MED12L: variants seen among roughly 807,000 people sequenced by gnomAD.
MED12L encodes the protein mediator complex subunit 12L.
A neutral mutation model predicts 281.3 loss-of-function variants in MED12L; 60 were observed. The ratio of observed to expected loss-of-function variants is 0.21; its 90% confidence interval spans 0.17 to 0.26. The LOEUF (loss-of-function observed/expected upper bound fraction) is 0.26, where lower values mean the gene tolerates loss of function less well. Ranked by LOEUF, MED12L falls within the 10% of genes least tolerant of loss-of-function variation. The probability of loss-of-function intolerance (pLI) is 1.00; values close to 1 mark genes in which losing one functional copy is unlikely to be tolerated. For missense variants in MED12L, 2,146 were observed against 2,680.9 expected (o/e 0.80, Z 4.41); for synonymous variants, 974 against 987.2 (o/e 0.99, Z 0.25).
chr3:151,357,409 A>G (rs1193796744), intron 20 of MED12L, 33 bp downstream of exon 20: 1 of 1,530,388 alleles, frequency 6.5e-7, no homozygotes, highest in Non-Finnish European at 8.8e-7. Context: ...TTGTTTTTCC[A>G]ATCTCAGAAT....
At chr3:151,296,503 G>A (rs1022675353) in intron 16 of MED12L, among the ~76,000 whole-genome samples, 2 of 152,216 alleles carry the variant, frequency 1.3e-5, no homozygotes, top group African/African-American at 4.8e-5. Context: ...CTCTGACAAA[G>A]GACTTTGGCT....
At chr3:151,425,148 G>T (rs968503153) in intron 43 of MED12L, among the ~76,000 whole-genome samples, 2 of 152,212 alleles carry the variant, frequency 1.3e-5, no homozygotes, top group African/African-American at 4.8e-5. Context: ...AAGGTGTCCA[G>T]ACCATCTGAG....
intron 16 of MED12L, among the ~76,000 whole-genome samples, chr3:151,266,802 A>G (rs1325589202): frequency 6.6e-6 from 1 of 152,170 alleles, no homozygotes; most frequent in African/African-American, 2.4e-5. Flanking sequence ...TCAGAGCAAA[A>G]AAGTGCTGTA....
At chr3:151,167,628 T>C (rs970575233) in intron 11 of MED12L, among the ~76,000 whole-genome samples, 1 of 152,190 alleles carries the variant, frequency 6.6e-6, no homozygotes, top group African/African-American at 2.4e-5. Context: ...ATTCAGAACG[T>C]TGAGAGCAAG....
chr3:151,176,092 G>A (rs1386602838), intron 11 of MED12L, among the ~76,000 whole-genome samples: 1 of 152,116 alleles, frequency 6.6e-6, no homozygotes, highest in Non-Finnish European at 1.5e-5. Context: ...GTGGACCCCT[G>A]TCCCACTCCC....
intron 38 of MED12L, among the ~76,000 whole-genome samples, chr3:151,390,741 A>G (rs916582721): frequency 6.6e-6 from 1 of 152,316 alleles, no homozygotes; most frequent in South Asian, 2.1e-4. Context: ...ATCTGTCAGC[A>G]TTGTTAGGAT....
chr3:151,389,957 T>C (rs1435496720), intron 37 of MED12L, 22 bp from the exon 38 acceptor site: 24 of 1,612,562 alleles, frequency 1.5e-5, no homozygotes, highest in African/African-American at 2.7e-5. Context: ...TACGTAACTT[T>C]TTAAAAAACT....
chr3:151,277,466 A>G (rs1221256436), intron 16 of MED12L, among the ~76,000 whole-genome samples: 1 of 152,068 alleles, frequency 6.6e-6, no homozygotes, highest in Non-Finnish European at 1.5e-5. Flanking sequence ...TTTTAGAAAG[A>G]TGAATATACA....
intron 39 of MED12L, among the ~76,000 whole-genome samples, chr3:151,395,915 C>A (rs916962931): frequency 6.6e-6 from 1 of 152,152 alleles, no homozygotes; most frequent in Non-Finnish European, 1.5e-5. Context: ...TGCATTTGGG[C>A]CACTTAGTGA....
chr3:151,163,253 A>C (rs1720232426), intron 8 of MED12L, among the ~76,000 whole-genome samples: 1 of 152,106 alleles, frequency 6.6e-6, no homozygotes, highest in Non-Finnish European at 1.5e-5. Context: ...GTCTAGGGCG[A>C]GGGAGATCTA....
intron 16 of MED12L, among the ~76,000 whole-genome samples, chr3:151,299,218 T>C (rs1473132665): frequency 1.3e-5 from 2 of 152,126 alleles, no homozygotes; most frequent in African/African-American, 4.8e-5. Flanking sequence ...AATGTGAAAG[T>C]CTCAACATAT....
chr3:151,304,221 TGGAGATAGATAA>T (rs1305800531), intron 16 of MED12L, among the ~76,000 whole-genome samples: 1 of 151,156 alleles, frequency 6.6e-6, no homozygotes, highest in Non-Finnish European at 1.5e-5. Context: ...AGGTGGGAGG[TGGAGATAGATAA>T]AGGATTAATG....
intron 16 of MED12L, among the ~76,000 whole-genome samples, chr3:151,343,994 A>G (rs79252289): frequency 1.3e-4 from 20 of 152,280 alleles, no homozygotes; most frequent in African/African-American, 4.3e-4. Flanking sequence ...GTGCATAGTC[A>G]TGTCTGCTAG....
chr3:151,400,944 C>T (rs1259845962), intron 39 of MED12L, among the ~76,000 whole-genome samples: 1 of 152,072 alleles, frequency 6.6e-6, no homozygotes. Context: ...GGATGAGTCT[C>T]CTTGTATCAT....
chr3:151,419,584 T>C (rs544573603), intron 43 of MED12L, among the ~76,000 whole-genome samples: 2 of 152,278 alleles, frequency 1.3e-5, no homozygotes, highest in African/African-American at 4.8e-5. Flanking sequence ...GATCAATACT[T>C]TGCATCTTTC....
chr3:151,139,422 A>C (rs952168003), intron 5 of MED12L, among the ~76,000 whole-genome samples: 2 of 152,220 alleles, frequency 1.3e-5, no homozygotes, highest in East Asian at 3.8e-4. Context: ...AAGGAGATGC[A>C]TGTGTGTGGA....
intron 13 of MED12L, 35 bp downstream of exon 13, chr3:151,188,515 A>G: frequency 1.3e-6 from 2 of 1,541,860 alleles, no homozygotes; most frequent in Non-Finnish European, 1.7e-6. Flanking sequence ...CTAGATCTTA[A>G]ATAAGGGATT....
chr3:151,101,370 T>C (rs1721370769), intron 2 of MED12L, among the ~76,000 whole-genome samples: 1 of 152,172 alleles, frequency 6.6e-6, no homozygotes, highest in African/African-American at 2.4e-5. Context: ...TTATTATCTC[T>C]TGCTTAGAAA....
At chr3:151,132,388 A>G (rs1715522580) in intron 5 of MED12L, among the ~76,000 whole-genome samples, 1 of 151,940 alleles carries the variant, frequency 6.6e-6, no homozygotes, top group African/African-American at 2.4e-5. Flanking sequence ...TTCATTAGCC[A>G]TTTTCTTTTG....
Sources: allele counts gnomAD v4.1 joint callset (sites outside exome capture counted in the v4.1 genomes callset), GRCh38; gene constraint gnomAD v4.1.1; transcripts MANE v1.5; gene names NCBI Gene and HGNC (gene_info 2026-07-23, HGNC 2026-07-21).